The following BICRA variants were observed in gnomAD, a reference collection of about 807,000 sequenced individuals.
BICRA encodes BRD4 interacting chromatin remodeling complex associated protein, also known as BRD4-interacting chromatin-remodeling complex-associated protein.
BICRA carries 31 observed loss-of-function variants against 96.9 expected under a neutral mutation model. The observed-to-expected ratio is 0.32, with a 90% CI of 0.24 to 0.43. The LOEUF is 0.43. Among genes scored for constraint, BICRA ranks in the 20% least tolerant of loss-of-function variants. The probability of loss-of-function intolerance (pLI) is 1.00; values close to 1 mark genes in which losing one functional copy is unlikely to be tolerated. For missense variants in BICRA, 2,283 were observed against 2,190.3 expected (o/e 1.04, Z -0.84); for synonymous variants, 1,350 against 1,071.8 (o/e 1.26, Z -5.07).
intron 1 of BICRA, among the ~76,000 whole-genome samples, chr19:47,609,653 C>T (rs1185996918): frequency 6.6e-6 from 1 of 151,730 alleles, no homozygotes; most frequent in Non-Finnish European, 1.5e-5. Context: ...CGCTCCCCGC[C>T]TTTCGGGGAA....
In BICRA at chr19:47,701,998, C is replaced by A; in HGVS notation, c.4266C>A (p.Asp1422Glu). 1 of 1,484,504 alleles carries A rather than the reference C, an allele frequency of 6.7e-7. No individual in the cohort carries two copies. The highest frequency in any genetic ancestry group is 8.9e-7 in the Non-Finnish European group (1 of 1,126,402). The allele number at this position is 1,484,504 out of a possible 1,614,324, so 92.0% of individuals were successfully genotyped here. Residue 1422 changes from aspartate (D) to glutamate (E), a missense_variant, in exon 15 of 15, where the codon GAC (aspartate) becomes GAA (glutamate). Physicochemically the swap from Asp to Glu is conservative, Grantham distance 45. Transcript: ENST00000594866. The surrounding 1 kb of genome is among the most constrained non-coding windows in gnomAD (Gnocchi z 5.4). ...CGGCGCCGCTGCCCGCCAAAGTGGA[C>A]GAGGCCACCAGCGGGCTCATCCGCG... ...GSPAPLPAKV[D>E]EATSGLIREL...
intron 1 of BICRA, among the ~76,000 whole-genome samples, chr19:47,622,047 A>C (rs1442213012): frequency 2.0e-5 from 3 of 151,126 alleles, no homozygotes; most frequent in Non-Finnish European, 4.4e-5. Context: ...GCCCACTGCA[A>C]CCTCTACCTC....
upstream of BICRA, among the ~76,000 whole-genome samples, chr19:47,608,873 C>A (rs115266824): frequency 2.6e-3 from 226 of 88,560 alleles, no homozygotes; most frequent in African/African-American, 6.9e-3. Flanking sequence ...GGGTGGGGGG[C>A]GGAACACAAA....
chr19:47,616,669 T>C (rs955330305), intron 1 of BICRA, among the ~76,000 whole-genome samples: 2 of 150,718 alleles, frequency 1.3e-5, no homozygotes, highest in Non-Finnish European at 3.0e-5. Flanking sequence ...AATGCCCAAA[T>C]ACCCACTGGG....
At chr19:47,690,792 T>TTGTGTGTG (rs10603971) in intron 7 of BICRA, among the ~76,000 whole-genome samples, 5 of 150,274 alleles carry the variant, frequency 3.3e-5, no homozygotes, top group African/African-American at 1.2e-4. Flanking sequence ...AATTTGTGGA[T>TTGTGTGTG]TGTGTGTGTG....
intron 1 of BICRA, among the ~76,000 whole-genome samples, chr19:47,630,356 T>C (rs932071674): frequency 6.6e-6 from 1 of 151,726 alleles, no homozygotes; most frequent in Non-Finnish European, 1.5e-5. Context: ...TTTTTTTTAG[T>C]AGAGACGGGG....
At chr19:47,669,483 A>C (rs1307383333) in intron 1 of BICRA, among the ~76,000 whole-genome samples, 1 of 152,068 alleles carries the variant, frequency 6.6e-6, no homozygotes, top group Non-Finnish European at 1.5e-5. Context: ...GTATTTTGTT[A>C]TACTGAAGTG....
At chr19:47,633,520 T>A (rs1972253068) in intron 1 of BICRA, among the ~76,000 whole-genome samples, 1 of 152,138 alleles carries the variant, frequency 6.6e-6, no homozygotes. Flanking sequence ...ATTTTAAATT[T>A]AAGGCCTAAT....
intron 1 of BICRA, among the ~76,000 whole-genome samples, chr19:47,655,525 CAAAAAA>C (rs58172799): frequency 1.5e-5 from 1 of 65,120 alleles, no homozygotes; most frequent in Non-Finnish European, 2.8e-5. Flanking sequence ...AACTCTGTCT[CAAAAAA>C]AAAAAAAAAA....
At chr19:47,658,330 G>A (rs1377554610) in intron 1 of BICRA, among the ~76,000 whole-genome samples, 1 of 152,116 alleles carries the variant, frequency 6.6e-6, no homozygotes, top group Non-Finnish European at 1.5e-5. Flanking sequence ...CCTGGACCTT[G>A]ACCAGGAACT....
chr19:47,690,031 C>T (rs569377971), intron 7 of BICRA, among the ~76,000 whole-genome samples: 1 of 151,858 alleles, frequency 6.6e-6, no homozygotes, highest in African/African-American at 2.4e-5. Context: ...GACAGAGTTT[C>T]GCTCTTTTTG....
intron 11 of BICRA, among the ~76,000 whole-genome samples, chr19:47,697,484 GT>G (rs1161340347): frequency 2.6e-5 from 4 of 151,406 alleles, no homozygotes; most frequent in Non-Finnish European, 5.9e-5. Context: ...TTTTTGTTTT[GT>G]TTTGTTTTTG....
rs764740715 is a variant in BICRA at position 47,701,722 on chromosome 19, G to A, written c.3990G>A (p.Val1330=). The stretch of plus-strand genomic sequence containing the variant: ...TGCACAACACGGCCCTGGACCCCGT[G>A]CACCAGCCCCCGCCACCCCCCGCTA... The part of the protein sequence containing the change: ...KVVHNTALDP[V]HQPPPPPATL... The change falls in exon 15 of 15, where the codon GTG becomes GTA. Residue 1330 remains valine (V), a synonymous_variant. Transcript: ENST00000594866. This position sits in a 1 kb window ranked among gnomAD's most constrained non-coding sequence, Gnocchi z 5.4. 20 of 1,585,582 alleles carry A rather than the reference G, an allele frequency of 1.3e-5. No homozygotes were observed. In the East Asian group the frequency reaches 4.6e-4, roughly 36 times the overall value.
chr19:47,636,183 A>G (rs1972298428), intron 1 of BICRA, among the ~76,000 whole-genome samples: 1 of 152,168 alleles, frequency 6.6e-6, no homozygotes, highest in African/African-American at 2.4e-5. Context: ...TCTGGTCCCA[A>G]TTATTTCAGG....
At chr19:47,609,516 C>T (rs944834370) in intron 1 of BICRA, among the ~76,000 whole-genome samples, 3 of 151,578 alleles carry the variant, frequency 2.0e-5, no homozygotes, top group East Asian at 2.0e-4. Flanking sequence ...ACCCGGCGCC[C>T]AGTGCCTCCC....
At chr19:47,687,522 C>T (rs899153920) in intron 7 of BICRA, among the ~76,000 whole-genome samples, 12 of 152,080 alleles carry the variant, frequency 7.9e-5, no homozygotes, top group African/African-American at 2.9e-4. Context: ...CTTGACTGAG[C>T]GTGTTGGCTC....
At chr19:47,629,783 G>T (rs1028366912) in intron 1 of BICRA, among the ~76,000 whole-genome samples, 29 of 152,058 alleles carry the variant, frequency 1.9e-4, no homozygotes, top group Non-Finnish European at 4.0e-4. Flanking sequence ...TCAGCTTCCT[G>T]AGTAGCTGGG....
At chr19:47,644,464 C>T (rs1436859972) in intron 1 of BICRA, among the ~76,000 whole-genome samples, 1 of 141,068 alleles carries the variant, frequency 7.1e-6, no homozygotes, top group Non-Finnish European at 1.5e-5. Context: ...CCTTCCCCTC[C>T]CCTTTCCCTA....
At position 47,681,161 on chromosome 19, in the gene BICRA, C is replaced by G. The variant is rs921709788; in HGVS notation, c.1991C>G (p.Pro664Arg). ...QAAAPPQATT[P>R]QPSPGLASSP... is the part of the protein sequence containing the mutation. ...GCCGCCCCGCCTCAGGCCACCACCCCCCAGCCCAGCCCTGGCCTGGCGTCT... is the reference window on the plus strand; with the variant it reads ...GCCGCCCCGCCTCAGGCCACCACCCGCCAGCCCAGCCCTGGCCTGGCGTCT... The change falls in exon 6 of 15, where the codon CCC becomes CGC. Residue 664 changes from proline (P) to arginine (R), a missense_variant. Coordinates refer to ENST00000594866, the MANE Select transcript of BICRA (RefSeq NM_001394372.1). 2 of 1,519,076 alleles carry G rather than the reference C, an allele frequency of 1.3e-6. No homozygotes were observed. Among genetic ancestry groups the G allele is most frequent in the Non-Finnish European group, 1.8e-6 (2 of 1,132,408 alleles). 94.1% of individuals were successfully genotyped at this position (1,519,076 alleles called of 1,614,324 possible).
Sources: allele counts gnomAD v4.1 joint callset (sites outside exome capture counted in the v4.1 genomes callset), GRCh38; gene constraint gnomAD v4.1.1; non-coding constraint Gnocchi (gnomAD v3.1); transcripts MANE v1.5; gene names NCBI Gene and HGNC (gene_info 2026-07-23, HGNC 2026-07-21).